Variants in CDC42BPA observed in about 807,000 individuals in gnomAD.
The protein encoded by CDC42BPA is CDC42 binding protein kinase alpha.
A neutral mutation model predicts 223.5 loss-of-function variants in CDC42BPA; 80 were observed. The observed-to-expected ratio is 0.36, with a 90% CI of 0.30 to 0.43. CDC42BPA has a LOEUF of 0.43. Among genes scored for constraint, CDC42BPA ranks in the 20% least tolerant of loss-of-function variants. The probability of loss-of-function intolerance (pLI) is 1.00; values close to 1 mark genes in which losing one functional copy is unlikely to be tolerated. For synonymous variants in CDC42BPA, 694 were observed against 718.6 expected (o/e 0.97, Z 0.55); for missense variants, 1,743 against 2,099.9 (o/e 0.83, Z 3.32).
intron 34 of CDC42BPA, among the ~76,000 whole-genome samples, chr1:227,006,093 C>A (rs1663979766): frequency 6.6e-6 from 1 of 152,140 alleles, no homozygotes; most frequent in South Asian, 2.1e-4. Flanking sequence ...TTATTAACAT[C>A]TTTTAACACT....
At chr1:227,213,746 A>AC (rs1224052068) in intron 2 of CDC42BPA, among the ~76,000 whole-genome samples, 1 of 152,080 alleles carries the variant, frequency 6.6e-6, no homozygotes, top group Non-Finnish European at 1.5e-5. Context: ...CTATACCATA[A>AC]CCCCCAAACC....
At chr1:227,058,858 A>T (rs1292327922) in intron 21 of CDC42BPA, among the ~76,000 whole-genome samples, 1 of 147,582 alleles carries the variant, frequency 6.8e-6, no homozygotes, top group Non-Finnish European at 1.5e-5. Flanking sequence ...AGTTTGGGAG[A>T]TTCCTCTGAA....
intron 1 of CDC42BPA, among the ~76,000 whole-genome samples, chr1:227,296,594 T>C (rs916242473): frequency 6.6e-5 from 10 of 150,894 alleles, no homozygotes; most frequent in African/African-American, 2.4e-4. Context: ...TAATCCCAGC[T>C]ACTTGGGAGG....
At chr1:227,048,588 C>T (rs1355088673) in intron 22 of CDC42BPA, among the ~76,000 whole-genome samples, 1 of 151,290 alleles carries the variant, frequency 6.6e-6, no homozygotes, top group East Asian at 1.9e-4. Context: ...GACTTTAATA[C>T]AAATTTAGTC....
At chr1:227,171,214 C>G (rs1666038864) in intron 5 of CDC42BPA, among the ~76,000 whole-genome samples, 4 of 152,130 alleles carry the variant, frequency 2.6e-5, no homozygotes, top group African/African-American at 9.7e-5. Flanking sequence ...AAAACATGTA[C>G]ACTAATTAAA....
chr1:227,127,108 A>G (rs775289763), intron 11 of CDC42BPA, among the ~76,000 whole-genome samples: 2 of 152,196 alleles, frequency 1.3e-5, no homozygotes, highest in Non-Finnish European at 2.9e-5. Context: ...AAAATCAACT[A>G]TATTTCTATA....
intron 8 of CDC42BPA, among the ~76,000 whole-genome samples, chr1:227,144,480 C>T (rs943582867): frequency 3.5e-5 from 5 of 143,442 alleles, no homozygotes; most frequent in African/African-American, 1.3e-4. Context: ...GAGGCTGAGG[C>T]AGGAGAACGG....
intron 21 of CDC42BPA, among the ~76,000 whole-genome samples, chr1:227,066,147 T>C (rs1677014840): frequency 6.6e-6 from 1 of 151,954 alleles, no homozygotes; most frequent in Non-Finnish European, 1.5e-5. Flanking sequence ...TCCCAGCACT[T>C]TGAGAGGTTG....
rs1191259356 is a variant in CDC42BPA at position 227,133,964 on chromosome 1, A to AAAATAAATAAAAAAAT, written c.1391-4734_1391-4733insATTTTTTTATTTATTT. Reference sequence around the variant, plus strand: ...GAAACACCCAAGAATGATCAATAAAAAAATAAATGAATAAATAAATAAATA... The same window carrying AAAATAAATAAAAAAAT: ...GAAACACCCAAGAATGATCAATAAAAAAATAAATAAAAAAATAAATAAATGAATAAATAAATAAATA... On this transcript the variant is annotated intron_variant, in intron 10 of 36. Coordinates refer to ENST00000366766, the MANE Select transcript of CDC42BPA (RefSeq NM_001394014.1). Among the ~76,000 whole-genome samples, 5 of 38,798 alleles carry AAAATAAATAAAAAAAT rather than the reference A, an allele frequency of 1.3e-4. No individual in the cohort carries two copies. In the East Asian group the frequency reaches 2.2e-3, roughly 17 times the overall value. 25.5% of individuals were successfully genotyped at this position (38,798 alleles called of 152,430 possible).
intron 10 of CDC42BPA, among the ~76,000 whole-genome samples, chr1:227,133,536 G>A (rs942554182): frequency 2.2e-4 from 33 of 152,234 alleles, no homozygotes; most frequent in Non-Finnish European, 2.5e-4. Flanking sequence ...GGAAGGGTGG[G>A]GAAAAGATTG....
intron 20 of CDC42BPA, among the ~76,000 whole-genome samples, 156 bp downstream of exon 20, chr1:227,072,052 C>T (rs535629110): frequency 7.2e-5 from 11 of 151,996 alleles, no homozygotes; most frequent in African/African-American, 2.6e-4. Flanking sequence ...TGTGTATGCA[C>T]ATGCATCATA....
chr1:227,205,538 A>C (rs1221964959), intron 3 of CDC42BPA, among the ~76,000 whole-genome samples: 1 of 151,944 alleles, frequency 6.6e-6, no homozygotes, highest in Non-Finnish European at 1.5e-5. Context: ...GGGGTATTTG[A>C]GGGAGAAAAG....
At chr1:227,087,404 G>A (rs1682192387) in intron 16 of CDC42BPA, among the ~76,000 whole-genome samples, 1 of 151,794 alleles carries the variant, frequency 6.6e-6, no homozygotes. Flanking sequence ...GTTTCATTAT[G>A]CCAGTACTAC....
intron 32 of CDC42BPA, among the ~76,000 whole-genome samples, chr1:227,019,957 C>CACA (rs999138323): frequency 6.6e-6 from 1 of 151,910 alleles, no homozygotes; most frequent in Admixed American, 6.6e-5. Flanking sequence ...AGTGCAACTG[C>CACA]ACAATCTCAG....
rs539695397 is a variant in CDC42BPA at position 227,106,318 on chromosome 1, T to C, written c.2002-5079A>G. Among the ~76,000 whole-genome samples the C allele has an allele frequency of 4.6e-5, 7 of 152,320 alleles. No homozygotes were observed. In the East Asian group the frequency reaches 1.3e-3, roughly 29 times the overall value. Reference sequence around the variant, plus strand: ...CTTTCTGTTGTTGAGCTGTAGTTCTTCATATAATCTGGATATTAAATTGTT... The same window carrying C: ...CTTTCTGTTGTTGAGCTGTAGTTCTCCATATAATCTGGATATTAAATTGTT... On this transcript the variant is annotated intron_variant, in intron 14 of 36. Coordinates refer to ENST00000366766, the MANE Select transcript of CDC42BPA (RefSeq NM_001394014.1).
At chr1:227,133,835 G>A (rs970629303) in intron 10 of CDC42BPA, among the ~76,000 whole-genome samples, 12 of 151,998 alleles carry the variant, frequency 7.9e-5, no homozygotes, top group Admixed American at 2.6e-4. Flanking sequence ...GCGGAAGGCC[G>A]CAGGGTCCTC....
intron 10 of CDC42BPA, among the ~76,000 whole-genome samples, chr1:227,130,859 A>G (rs12755437): frequency 1.3e-5 from 2 of 152,044 alleles, no homozygotes; most frequent in Non-Finnish European, 2.9e-5. Context: ...GTCTCAAAAA[A>G]AAACAAACAA....
At chr1:227,100,597 C>A (rs1684840692) in intron 15 of CDC42BPA, among the ~76,000 whole-genome samples, 1 of 97,436 alleles carries the variant, frequency 1.0e-5, no homozygotes, top group Non-Finnish European at 2.2e-5. Context: ...TTTATCGTTT[C>A]TTTCTTTCTT....
intron 22 of CDC42BPA, among the ~76,000 whole-genome samples, chr1:227,049,662 T>C (rs972668723): frequency 6.6e-6 from 1 of 152,116 alleles, no homozygotes; most frequent in Non-Finnish European, 1.5e-5. Context: ...GTGAAAGTAA[T>C]TGTAATTAAG....
Sources: gnomAD v4.1 joint callset for allele counts (sites outside exome capture counted in the v4.1 genomes callset) on GRCh38, gnomAD v4.1.1 for gene constraint, MANE v1.5 for transcripts, NCBI Gene and HGNC (gene_info 2026-07-23, HGNC 2026-07-21) for gene names.